SERINC5: variants seen among roughly 807,000 people sequenced by gnomAD.
SERINC5 encodes the protein chromosome 5 open reading frame 12.
Under a neutral mutation model 63.1 loss-of-function variants are expected in SERINC5, and 41 were observed. That is an observed-to-expected ratio of 0.65 (90% CI 0.51 to 0.84). The LOEUF is 0.84. Ranked by LOEUF, SERINC5 falls within the 40% of genes least tolerant of loss-of-function variation. The pLI is 0.00. For missense variants in SERINC5, 523 were observed against 573.0 expected, an observed-to-expected ratio of 0.91 and a Z score of 0.89; for synonymous variants, 222 against 215.2, an observed-to-expected ratio of 1.03 and a Z score of -0.28.
chr5:80,140,943 G>A lies in SERINC5; in HGVS notation c.*2720C>T. 4 of 985,304 alleles carry A rather than the reference G, an allele frequency of 4.1e-6. No individual in the cohort carries two copies. The highest frequency in any genetic ancestry group is 4.8e-6 in the Non-Finnish European group (4 of 829,876). 61.0% of individuals were successfully genotyped at this position (985,304 alleles called of 1,614,324 possible). On this transcript the variant is annotated 3_prime_UTR_variant, in exon 12 of 12. Transcript: ENST00000507668. ...AAGCAAATGTCTATTATTTTTAAAA[G>A]ATATCAGTGAGTTAATCAAATTAAC...
At chr5:80,187,718 A>G (rs4704625) in intron 2 of SERINC5, among the ~76,000 whole-genome samples, 5 of 152,240 alleles carry the variant, frequency 3.3e-5, no homozygotes, top group Admixed American at 6.5e-5. Context: ...AAAAGCCAAA[A>G]GATGAATGAA....
chr5:80,173,692 T>G (rs1485811573), intron 5 of SERINC5, among the ~76,000 whole-genome samples: 2 of 152,052 alleles, frequency 1.3e-5, no homozygotes, highest in African/African-American at 4.8e-5. Flanking sequence ...CACCCAGAGC[T>G]GGCTTTGGAA....
rs1233711549 is a variant in SERINC5 at position 80,141,139 on chromosome 5, C to A, written c.*2524G>T. The A allele has an allele frequency of 3.0e-6, 3 of 985,176 alleles. No homozygotes were observed. In the African/African-American group the frequency reaches 5.2e-5, roughly 17 times the overall value. The allele number at this position is 985,176 out of a possible 1,614,324, so 61.0% of individuals were successfully genotyped here. The stretch of plus-strand genomic sequence containing the variant: ...AACTCTGCATTGATAGTCCCTCAAT[C>A]CTCAGATACATCCACATCTGTTTTG... On this transcript the variant is annotated 3_prime_UTR_variant, in exon 12 of 12. Transcript: ENST00000507668.
chr5:80,125,341 G>A (rs1445618358), intron 11 of SERINC5, among the ~76,000 whole-genome samples: 1 of 152,168 alleles, frequency 6.6e-6, no homozygotes, highest in Admixed American at 6.5e-5. Context: ...CAGAGGATCA[G>A]GCTGCCAAGA....
intron 1 of SERINC5, among the ~76,000 whole-genome samples, chr5:80,222,243 AG>A (rs1750936802): frequency 6.6e-6 from 1 of 152,134 alleles, no homozygotes; most frequent in African/African-American, 2.4e-5. Context: ...CAGAGGACGC[AG>A]GGGAAAATCT....
chr5:80,137,277 C>T (rs1451586832), downstream of SERINC5, among the ~76,000 whole-genome samples: 1 of 152,012 alleles, frequency 6.6e-6, no homozygotes, highest in African/African-American at 2.4e-5. Context: ...TATCCATACC[C>T]CTATGTTCAC....
chr5:80,224,133 CAAA>C (rs33915521), intron 1 of SERINC5, among the ~76,000 whole-genome samples: 2 of 102,156 alleles, frequency 2.0e-5, no homozygotes, highest in Non-Finnish European at 3.7e-5. Flanking sequence ...AACTCCGTCT[CAAA>C]AAAAAAAAAA....
Position 80,138,748 on chromosome 5 carries a change from C to A in SERINC5, c.*4915G>T, listed in dbSNP as rs1745327248. On this transcript the variant is annotated 3_prime_UTR_variant, in exon 12 of 12. Transcript: ENST00000507668. ...CATGTTGCACACCACAGATATATATCTTTTATTTGTCAATTAAAGGATCAG... is the reference window on the plus strand; with the variant it reads ...CATGTTGCACACCACAGATATATATATTTTATTTGTCAATTAAAGGATCAG... 1.7e-5 allele frequency: 15 copies of A among 903,352 alleles called. No individual in the cohort carries two copies. The highest frequency in any genetic ancestry group is 1.7e-5 in the Non-Finnish European group (13 of 755,288). 56.0% of individuals were successfully genotyped at this position (903,352 alleles called of 1,614,324 possible). A position where few individuals can be genotyped will look rare whatever the true frequency, so the allele number is the denominator to read the frequency against.
chr5:80,253,023 C>T lies in SERINC5; in HGVS notation c.27+2873G>A, dbSNP rs190268764. 2.8e-3 allele frequency among the ~76,000 whole-genome samples: 430 copies of T among 152,320 alleles called. 5 individuals carry two copies. Among genetic ancestry groups the T allele is most frequent in the Middle Eastern group, 0.017 (5 of 294 alleles). On this transcript the variant is annotated intron_variant, in intron 1 of 11. Transcript: ENST00000507668. ...TCTCTAATGTAACGAAGCCAAGAAA[C>T]TTGGGTTTTCCTCACCAAATGTCCT...
In SERINC5 at chr5:80,203,227, A is replaced by G. The variant is rs757141514; in HGVS notation, c.28-174T>C. The G allele has an allele frequency of 8.9e-5, 53 of 598,784 alleles. No homozygotes were observed. The East Asian group carries it at 1.7e-3, about 19-fold the overall frequency. The allele number at this position is 598,784 out of a possible 1,614,324, so 37.1% of individuals were successfully genotyped here. On this transcript the variant is annotated intron_variant, in intron 1 of 11. Coordinates refer to ENST00000507668, the MANE Select transcript of SERINC5 (RefSeq NM_001174072.3). Reference sequence around the variant, plus strand: ...CAAGTTTAGCCTGGTCAACACAGCAAGAACCTGTCTCTAAATAAATATATA... The same window carrying G: ...CAAGTTTAGCCTGGTCAACACAGCAGGAACCTGTCTCTAAATAAATATATA...
chr5:80,176,990 G>A (rs1329216319), intron 4 of SERINC5, among the ~76,000 whole-genome samples: 1 of 152,176 alleles, frequency 6.6e-6, no homozygotes, highest in Non-Finnish European at 1.5e-5. Flanking sequence ...CACTATCGCT[G>A]CAGCAGACAT....
intron 7 of SERINC5, among the ~76,000 whole-genome samples, chr5:80,160,956 ATG>A (rs375703320): frequency 2.0e-4 from 25 of 125,672 alleles, no homozygotes; most frequent in South Asian, 2.7e-4. Flanking sequence ...GTATATATAT[ATG>A]TGTGTGTATA....
At chr5:80,218,787 A>G (rs969342188) in intron 1 of SERINC5, among the ~76,000 whole-genome samples, 1 of 151,966 alleles carries the variant, frequency 6.6e-6, no homozygotes, top group Non-Finnish European at 1.5e-5. Flanking sequence ...GCCCCGACTA[A>G]ATCACCCCAC....
intron 1 of SERINC5, among the ~76,000 whole-genome samples, chr5:80,217,967 AAGGAAGG>A (rs1750742313): frequency 2.6e-5 from 4 of 152,202 alleles, no homozygotes; most frequent in Admixed American, 2.6e-4. Context: ...CAGTCTGGAA[AAGGAAGG>A]AGCTAGTAAC....
At chr5:80,252,713 T>A (rs1018607005) in intron 1 of SERINC5, among the ~76,000 whole-genome samples, 3 of 152,208 alleles carry the variant, frequency 2.0e-5, no homozygotes, top group African/African-American at 7.2e-5. Flanking sequence ...TATCATCACA[T>A]GTAATTTTCC....
rs778769526 is a variant in SERINC5 at position 80,158,908 on chromosome 5, T to A, written c.914A>T (p.Asp305Val). The change falls in exon 8 of 12, where the codon GAC becomes GTC. Residue 305 changes from aspartate (D) to valine (V), a missense_variant. Transcript: ENST00000507668. ...VTICVPDFGQ[D>V]LYRDENLVTI... ...CACCAAGTTTTCATCTCTGTACAGG[T>A]CTTGACCAAAGTCAGGCACACAGAT... is the stretch of plus-strand genomic sequence containing the variant. 6 of 1,613,544 alleles carry A rather than the reference T, an allele frequency of 3.7e-6. No homozygotes were observed. In the East Asian group the frequency reaches 1.3e-4, roughly 36 times the overall value.
At chr5:80,230,663 T>C (rs1751398781) in intron 1 of SERINC5, among the ~76,000 whole-genome samples, 1 of 152,206 alleles carries the variant, frequency 6.6e-6, no homozygotes, top group East Asian at 1.9e-4. Context: ...GGTATTACTG[T>C]TATTATTATT....
intron 11 of SERINC5, among the ~76,000 whole-genome samples, chr5:80,144,658 C>A (rs1348359457): frequency 1.3e-5 from 2 of 152,152 alleles, no homozygotes; most frequent in Admixed American, 1.3e-4. Flanking sequence ...AATCACTGTG[C>A]TTGAAACCAC....
chr5:80,186,884 G>C (rs777795403), intron 2 of SERINC5, among the ~76,000 whole-genome samples: 1 of 152,000 alleles, frequency 6.6e-6, no homozygotes, highest in Non-Finnish European at 1.5e-5. Context: ...GGCCAGGCGC[G>C]GTGGCTCACG....
Sources: allele counts gnomAD v4.1 joint callset (sites outside exome capture counted in the v4.1 genomes callset), GRCh38; gene constraint gnomAD v4.1.1; transcripts MANE v1.5; gene names NCBI Gene and HGNC (gene_info 2026-07-23, HGNC 2026-07-21).